The following SLC24A3 variants were observed in gnomAD, a reference collection of about 807,000 sequenced individuals.
The protein encoded by SLC24A3 is solute carrier family 24 member 3, also known as sodium/potassium/calcium exchanger 3.
SLC24A3 carries 28 observed loss-of-function variants against 75.8 expected under a neutral mutation model. The observed-to-expected ratio is 0.37, with a 90% CI of 0.27 to 0.51. The LOEUF is 0.51. Ranked by LOEUF, SLC24A3 falls within the 20% of genes least tolerant of loss-of-function variation. SLC24A3 has a pLI of 0.94. For synonymous variants in SLC24A3, 372 were observed against 334.1 expected (o/e 1.11, Z -1.24); for missense variants, 663 against 847.8 (o/e 0.78, Z 2.71).
At chr20:19,262,455 C>G (rs1315799446) in intron 1 of SLC24A3, among the ~76,000 whole-genome samples, 2 of 151,232 alleles carry the variant, frequency 1.3e-5, no homozygotes, top group Non-Finnish European at 3.0e-5. Context: ...ACATCAGTAG[C>G]TCTCTCTGAT....
At chr20:19,486,804 T>C (rs969286017) in intron 2 of SLC24A3, among the ~76,000 whole-genome samples, 3 of 152,238 alleles carry the variant, frequency 2.0e-5, no homozygotes, top group African/African-American at 7.2e-5. Context: ...TGGATTCCAC[T>C]TATCTTCTGC....
intron 6 of SLC24A3, among the ~76,000 whole-genome samples, chr20:19,622,044 G>A (rs766951332): frequency 5.9e-5 from 9 of 152,152 alleles, no homozygotes; most frequent in Non-Finnish European, 1.0e-4. Context: ...CTCTCCTTAG[G>A]GAGTTTTTGT....
intron 6 of SLC24A3, among the ~76,000 whole-genome samples, chr20:19,598,900 G>A (rs78760270): frequency 1.5e-5 from 2 of 129,640 alleles, no homozygotes; most frequent in African/African-American, 5.6e-5. Context: ...ATATATATAT[G>A]TATATACACA....
In SLC24A3 at chr20:19,696,867, C is replaced by T; in HGVS notation, c.1562C>T (p.Thr521Ile). The change falls in exon 14 of 17, where the codon ACC (threonine) becomes ATC (isoleucine). Residue 521 changes from threonine to isoleucine, a missense_variant. Thr to Ile is a moderately conservative substitution (Grantham distance 89). Around this residue, in one of 2 missense-constraint regions of SLC24A3, gnomAD observed 510 missense variants for 703.6 expected, o/e 0.72. Coordinates refer to ENST00000328041, the MANE Select transcript of SLC24A3 (RefSeq NM_020689.4). Reference protein sequence around the residue: ...IMGITFLAAGTSVPDCMASLI... With the variant: ...IMGITFLAAGISVPDCMASLI... ...GGGATCACCTTCCTGGCTGCTGGGACCAGCGTGCCTGACTGCATGGCCAGC... is the reference window on the plus strand; with the variant it reads ...GGGATCACCTTCCTGGCTGCTGGGATCAGCGTGCCTGACTGCATGGCCAGC... 6.2e-7 allele frequency: 1 copy of T among 1,613,818 alleles called. No homozygotes were observed. Among genetic ancestry groups the T allele is most frequent in the Non-Finnish European group, 8.5e-7 (1 of 1,179,920 alleles).
At chr20:19,502,015 A>C (rs1274547789) in intron 2 of SLC24A3, among the ~76,000 whole-genome samples, 3 of 152,094 alleles carry the variant, frequency 2.0e-5, no homozygotes, top group African/African-American at 7.2e-5. Context: ...ATGAAGTAGA[A>C]TATATTCCAG....
intron 2 of SLC24A3, among the ~76,000 whole-genome samples, chr20:19,375,656 G>A (rs1354170953): frequency 2.6e-5 from 4 of 152,178 alleles, no homozygotes; most frequent in East Asian, 1.9e-4. Flanking sequence ...AGTGTGCTGC[G>A]GCCATCTCTG....
At chr20:19,673,468 T>C in intron 8 of SLC24A3, 133 bp from the exon 9 acceptor site, 2 of 710,868 alleles carry the variant, frequency 2.8e-6, no homozygotes, top group Non-Finnish European at 5.0e-6. Context: ...GACCAGGAAA[T>C]ATCCGTCACC....
chr20:19,519,930 C>T (rs1781178833), intron 3 of SLC24A3, among the ~76,000 whole-genome samples: 1 of 152,196 alleles, frequency 6.6e-6, no homozygotes, highest in South Asian at 2.1e-4. Context: ...GGCTGCCTAT[C>T]TTTAAGAGAT....
chr20:19,511,035 C>T (rs900033409), intron 2 of SLC24A3, among the ~76,000 whole-genome samples: 16 of 152,168 alleles, frequency 1.1e-4, no homozygotes, highest in African/African-American at 3.1e-4. Context: ...GACAGGCAGG[C>T]GTCAGTGGAC....
At chr20:19,227,928 G>A (rs1230319375) in intron 1 of SLC24A3, among the ~76,000 whole-genome samples, 1 of 151,936 alleles carries the variant, frequency 6.6e-6, no homozygotes, top group Non-Finnish European at 1.5e-5. Flanking sequence ...ATAATTTATG[G>A]AAAAATGGCA....
chr20:19,254,969 A>G (rs1022421996), intron 1 of SLC24A3, among the ~76,000 whole-genome samples: 1 of 152,226 alleles, frequency 6.6e-6, no homozygotes, highest in Non-Finnish European at 1.5e-5. Context: ...CTCACACAGC[A>G]TTGTTAGGAC....
Position 19,693,462 on chromosome 20 carries a change from T to C in SLC24A3, c.1491+37T>C, listed in dbSNP as rs1384185893. The C allele has an allele frequency of 1.9e-6, 3 of 1,605,240 alleles. No individual in the cohort carries two copies. In the East Asian group the frequency reaches 6.7e-5, roughly 36 times the overall value. ...CGGGACCCCATGGCACTGTTAAATC[T>C]CTTTAGAGAATAAAGAAGGGAATAA... On this transcript the variant is annotated intron_variant, in intron 13 of 16. Coordinates refer to ENST00000328041, the MANE Select transcript of SLC24A3 (RefSeq NM_020689.4).
intron 2 of SLC24A3, among the ~76,000 whole-genome samples, chr20:19,323,624 C>T (rs1220879468): frequency 1.3e-5 from 2 of 152,180 alleles, no homozygotes; most frequent in Non-Finnish European, 2.9e-5. Flanking sequence ...AGTTTTCCCC[C>T]TGTGAACCCC....
intron 1 of SLC24A3, among the ~76,000 whole-genome samples, chr20:19,246,703 A>T (rs1211708380): frequency 6.6e-6 from 1 of 152,196 alleles, no homozygotes; most frequent in Non-Finnish European, 1.5e-5. Context: ...GGATTATTTC[A>T]ATAGGTGCAG....
chr20:19,641,825 A>G (rs2032078210), intron 6 of SLC24A3, among the ~76,000 whole-genome samples: 1 of 152,302 alleles, frequency 6.6e-6, no homozygotes, highest in East Asian at 1.9e-4. Flanking sequence ...GTTGAAAACC[A>G]GGGCCTCCCT....
chr20:19,559,517 T>G (rs2030840427), intron 3 of SLC24A3, among the ~76,000 whole-genome samples: 1 of 152,156 alleles, frequency 6.6e-6, no homozygotes, highest in South Asian at 2.1e-4. Flanking sequence ...TTTTCTTTCC[T>G]AGTTTTTCAT....
In SLC24A3 at chr20:19,489,173, G is replaced by T. The variant is rs4814864; in HGVS notation, c.272-26315G>T. Among the ~76,000 whole-genome samples, 7 of 152,114 alleles carry T rather than the reference G, an allele frequency of 4.6e-5. No individual in the cohort carries two copies. The East Asian group carries it at 5.8e-4, about 13-fold the overall frequency. On this transcript the variant is annotated intron_variant, in intron 2 of 16. Transcript: ENST00000328041. Reference sequence around the variant, plus strand: ...AGCCTATAATTTCTCAAGAGAAAAGGGTTTTGTCCCATAATAATATGGAGA... The same window carrying T: ...AGCCTATAATTTCTCAAGAGAAAAGTGTTTTGTCCCATAATAATATGGAGA...
chr20:19,261,057 C>T (rs867673221), intron 1 of SLC24A3, among the ~76,000 whole-genome samples: 1 of 152,188 alleles, frequency 6.6e-6, no homozygotes, highest in African/African-American at 2.4e-5. Context: ...AGGCTCAACC[C>T]TTGCTTCAAG....
At chr20:19,644,622 G>A (rs1193779929) in intron 6 of SLC24A3, among the ~76,000 whole-genome samples, 4 of 152,058 alleles carry the variant, frequency 2.6e-5, no homozygotes, top group Non-Finnish European at 5.9e-5. Flanking sequence ...TGTAAATATA[G>A]CCAAATTTCT....
Sources: allele counts gnomAD v4.1 joint callset (sites outside exome capture counted in the v4.1 genomes callset), GRCh38; gene constraint gnomAD v4.1.1; regional missense constraint gnomAD v4.1.1; transcripts MANE v1.5; gene names NCBI Gene and HGNC (gene_info 2026-07-23, HGNC 2026-07-21).